Variants in PTPRG observed in about 807,000 individuals in gnomAD.
The protein encoded by PTPRG is receptor-type tyrosine-protein phosphatase gamma.
A neutral mutation model predicts 165.3 loss-of-function variants in PTPRG; 102 were observed. The observed-to-expected ratio is 0.62, with a 90% confidence interval of 0.53 to 0.73. The LOEUF (loss-of-function observed/expected upper bound fraction) is 0.73. PTPRG is among the 30% of genes least tolerant of loss of function. The pLI, the probability that PTPRG is intolerant of heterozygous loss-of-function variation, is 0.00. For missense variants in PTPRG, 1,866 were observed against 1,861.4 expected, an observed-to-expected ratio of 1.00 and a Z score of -0.05; for synonymous variants, 675 against 669.5, an observed-to-expected ratio of 1.01 and a Z score of -0.13.
chr3:61,681,366 T>C (rs1381823215), intron 1 of PTPRG, among the ~76,000 whole-genome samples: 1 of 152,216 alleles, frequency 6.6e-6, no homozygotes, highest in African/African-American at 2.4e-5. Context: ...AACATTACAA[T>C]CAGCCTTGAC....
chr3:62,090,962 A>C (rs2106794817), intron 5 of PTPRG, among the ~76,000 whole-genome samples: 1 of 152,320 alleles, frequency 6.6e-6, no homozygotes, highest in Non-Finnish European at 1.5e-5. Flanking sequence ...TGGAAATACC[A>C]ATTTGCTGCG....
intron 2 of PTPRG, among the ~76,000 whole-genome samples, chr3:61,836,160 A>C (rs1313408239): frequency 6.7e-6 from 1 of 148,804 alleles, no homozygotes; most frequent in African/African-American, 2.5e-5. Flanking sequence ...CTTTGTTCTT[A>C]CAGCTATGTG....
chr3:62,152,312 C>T (rs532981645), intron 6 of PTPRG, among the ~76,000 whole-genome samples: 3 of 151,914 alleles, frequency 2.0e-5, no homozygotes, highest in South Asian at 2.1e-4. Context: ...TTCAAGGTTG[C>T]GGTGCCACCA....
chr3:61,816,441 G>A (rs570997757), intron 2 of PTPRG, among the ~76,000 whole-genome samples: 3 of 152,112 alleles, frequency 2.0e-5, no homozygotes, highest in Admixed American at 2.0e-4. Flanking sequence ...CTGAGGCAGG[G>A]GAATCACTTG....
At chr3:61,878,987 A>G (rs1166164110) in intron 2 of PTPRG, among the ~76,000 whole-genome samples, 5 of 152,234 alleles carry the variant, frequency 3.3e-5, no homozygotes, top group Non-Finnish European at 5.9e-5. Context: ...AAGTACTTCT[A>G]TATATTAACA....
chr3:61,798,702 C>A (rs540868547), intron 2 of PTPRG, among the ~76,000 whole-genome samples: 1 of 146,344 alleles, frequency 6.8e-6, no homozygotes, highest in Admixed American at 7.0e-5. Flanking sequence ...TAGTGAAGGT[C>A]TTGTCTTTTC....
chr3:61,623,106 A>T (rs1701507751), intron 1 of PTPRG, among the ~76,000 whole-genome samples: 1 of 152,182 alleles, frequency 6.6e-6, no homozygotes, highest in South Asian at 2.1e-4. Flanking sequence ...AGAATGGATT[A>T]TGACTGACAT....
chr3:62,183,243 C>G (rs1320083136), intron 8 of PTPRG, among the ~76,000 whole-genome samples: 2 of 152,158 alleles, frequency 1.3e-5, no homozygotes, highest in Non-Finnish European at 2.9e-5. Context: ...CTGGGCTCAT[C>G]AGATAGGACT....
In PTPRG at chr3:61,641,717, T is replaced by C. The variant is rs568492888; in HGVS notation, c.85+79345T>C. Among the ~76,000 whole-genome samples, 9 of 152,336 alleles carry C rather than the reference T, an allele frequency of 5.9e-5. 2 individuals are homozygous for C. In the South Asian group the frequency reaches 1.9e-3, roughly 32 times the overall value. ...CAACAGATGTCTTCATGAAATCTGATTTTAAAAAATCAATTTCTGTGGTTG... is the reference window on the plus strand; with the variant it reads ...CAACAGATGTCTTCATGAAATCTGACTTTAAAAAATCAATTTCTGTGGTTG... On this transcript the variant is annotated intron_variant, in intron 1 of 29. Coordinates refer to ENST00000474889, the MANE Select transcript of PTPRG (RefSeq NM_002841.4).
chr3:62,018,490 A>T (rs11706702), intron 4 of PTPRG, among the ~76,000 whole-genome samples: 1 of 152,052 alleles, frequency 6.6e-6, no homozygotes, highest in East Asian at 1.9e-4. Context: ...GGGTGTCACC[A>T]CTCTCTTTCC....
chr3:62,255,256 TCTTA>T lies in PTPRG; in HGVS notation c.2559+45_2559+48del. 1.3e-6 allele frequency: 2 copies of T among 1,497,612 alleles called. No individual in the cohort carries two copies. The highest frequency in any genetic ancestry group is 1.8e-6 in the Non-Finnish European group (2 of 1,085,596). 92.8% of individuals were successfully genotyped at this position (1,497,612 alleles called of 1,614,324 possible). A position where few individuals can be genotyped will look rare whatever the true frequency, so the allele number is the denominator to read the frequency against. Reference sequence around the variant, plus strand: ...GGAAGTTAACTTCCAGAAACCTAAGTCTTACTTTATGCAGATTTTTGTAAACTTG... The same window carrying T: ...GGAAGTTAACTTCCAGAAACCTAAGTCTTTATGCAGATTTTTGTAAACTTG... On this transcript the variant is annotated intron_variant, in intron 16 of 29. Transcript: ENST00000474889. This position sits in a 1 kb window ranked among gnomAD's most constrained non-coding sequence, Gnocchi z 4.0.
At chr3:61,710,454 A>G (rs2031495020) in intron 1 of PTPRG, among the ~76,000 whole-genome samples, 1 of 152,166 alleles carries the variant, frequency 6.6e-6, no homozygotes, top group Non-Finnish European at 1.5e-5. Flanking sequence ...AGGCTTAGAT[A>G]TAAGAGGAAA....
At chr3:61,614,390 T>C (rs994753179) in intron 1 of PTPRG, among the ~76,000 whole-genome samples, 3 of 151,236 alleles carry the variant, frequency 2.0e-5, no homozygotes, top group Non-Finnish European at 4.4e-5. Context: ...TTAAGTTGGG[T>C]ATAATAATAA....
At chr3:62,212,247 C>A (rs1700376021) in intron 12 of PTPRG, among the ~76,000 whole-genome samples, 2 of 152,160 alleles carry the variant, frequency 1.3e-5, no homozygotes, top group African/African-American at 4.8e-5. Context: ...ACATTACATC[C>A]ACTGGGGGAG....
chr3:61,844,249 C>A (rs1288268244), intron 2 of PTPRG, among the ~76,000 whole-genome samples: 1 of 152,148 alleles, frequency 6.6e-6, no homozygotes, highest in African/African-American at 2.4e-5. Flanking sequence ...CAGGCGTGAG[C>A]CACCACGCCC....
At chr3:61,618,364 T>A (rs1458968542) in intron 1 of PTPRG, among the ~76,000 whole-genome samples, 2 of 152,142 alleles carry the variant, frequency 1.3e-5, no homozygotes, top group African/African-American at 4.8e-5. Context: ...GAGGGGGGTG[T>A]GTGTGCCTGT....
intron 4 of PTPRG, among the ~76,000 whole-genome samples, chr3:62,015,661 A>C (rs896778566): frequency 5.9e-5 from 9 of 152,086 alleles, no homozygotes; most frequent in African/African-American, 1.9e-4. Context: ...ATGTTTTAGA[A>C]GGATCCGTCT....
At chr3:62,060,590 T>C (rs542839154) in intron 4 of PTPRG, among the ~76,000 whole-genome samples, 40 of 152,356 alleles carry the variant, frequency 2.6e-4, no homozygotes, top group Admixed American at 1.3e-4. Flanking sequence ...TTAGTAAAGT[T>C]TGAAAAGAAA....
chr3:61,644,482 G>A (rs1425849446), intron 1 of PTPRG, among the ~76,000 whole-genome samples: 1 of 152,140 alleles, frequency 6.6e-6, no homozygotes, highest in African/African-American at 2.4e-5. Context: ...TGGGTTTTTG[G>A]TATATTTTGG....
Sources: allele counts gnomAD v4.1 joint callset (sites outside exome capture counted in the v4.1 genomes callset), GRCh38; gene constraint gnomAD v4.1.1; non-coding constraint Gnocchi (gnomAD v3.1); transcripts MANE v1.5; gene names NCBI Gene and HGNC (gene_info 2026-07-23, HGNC 2026-07-21).